The following MKLN1 variants were observed in gnomAD, a reference collection of about 807,000 sequenced individuals.
The protein encoded by MKLN1 is muskelin 1.
In MKLN1, 18 loss-of-function variants were observed where a neutral mutation model predicts 99.0. The observed-to-expected ratio is 0.18, with a 90% CI of 0.13 to 0.27. MKLN1 has a LOEUF of 0.27. MKLN1 is among the 10% of genes least tolerant of loss of function. MKLN1 has a pLI of 1.00. For missense variants in MKLN1, 621 were observed against 875.9 expected, an observed-to-expected ratio of 0.71 and a Z score of 3.67; for synonymous variants, 288 against 293.2, an observed-to-expected ratio of 0.98 and a Z score of 0.18.
At chr7:131,169,914 G>A (rs1796192060) in intron 2 of MKLN1, among the ~76,000 whole-genome samples, 1 of 152,068 alleles carries the variant, frequency 6.6e-6, no homozygotes, top group Admixed American at 6.6e-5. Context: ...TGCCTGCTTT[G>A]GCTAAAGTCT....
intron 2 of MKLN1, 58 bp downstream of exon 2, chr7:131,375,551 A>G (rs1793617024): frequency 2.0e-6 from 2 of 987,822 alleles, no homozygotes; most frequent in East Asian, 4.8e-5. Flanking sequence ...ATAAACACTC[A>G]ATTGATACTA....
intron 10 of MKLN1, among the ~76,000 whole-genome samples, chr7:131,439,431 A>G (rs569442190): frequency 5.6e-4 from 85 of 152,290 alleles, no homozygotes; most frequent in African/African-American, 1.9e-3. Flanking sequence ...ATGGTTTTCA[A>G]CTGGTTAGAT....
intron 3 of MKLN1, among the ~76,000 whole-genome samples, chr7:131,232,596 A>G (rs968823107): frequency 3.9e-5 from 6 of 152,210 alleles, no homozygotes; most frequent in African/African-American, 1.4e-4. Flanking sequence ...TGATTTGCCA[A>G]TCTCGCAAAT....
chr7:131,334,488 A>G (rs943458192), intron 1 of MKLN1, among the ~76,000 whole-genome samples: 1 of 152,314 alleles, frequency 6.6e-6, no homozygotes, highest in Admixed American at 6.5e-5. Flanking sequence ...CTAGAATTAG[A>G]TATTTGTGAC....
intron 4 of MKLN1, among the ~76,000 whole-genome samples, chr7:131,393,913 A>G (rs1260989763): frequency 2.0e-5 from 3 of 152,282 alleles, no homozygotes; most frequent in Non-Finnish European, 2.9e-5. Context: ...GACATGAGCC[A>G]CTGCACCAGG....
intron 4 of MKLN1, among the ~76,000 whole-genome samples, chr7:131,390,327 A>G (rs541131883): frequency 6.6e-6 from 1 of 152,254 alleles, no homozygotes; most frequent in Admixed American, 6.5e-5. Context: ...ACTTTCGGTT[A>G]TTTACTTCTT....
chr7:131,185,849 AT>A (rs910299721), intron 2 of MKLN1, among the ~76,000 whole-genome samples: 1 of 152,160 alleles, frequency 6.6e-6, no homozygotes, highest in Non-Finnish European at 1.5e-5. Flanking sequence ...CCTAGCACGT[AT>A]TTTGTACCAT....
At chr7:131,417,225 T>C (rs569638079) in intron 8 of MKLN1, among the ~76,000 whole-genome samples, 10 of 152,284 alleles carry the variant, frequency 6.6e-5, no homozygotes, top group African/African-American at 2.4e-4. Flanking sequence ...CACTAGTTTA[T>C]AGAAAGCTAC....
intron 10 of MKLN1, among the ~76,000 whole-genome samples, chr7:131,441,263 C>T (rs1795831817): frequency 6.6e-6 from 1 of 152,096 alleles, no homozygotes; most frequent in Non-Finnish European, 1.5e-5. Context: ...GTAGGTTGGA[C>T]AACATTGGAT....
intron 8 of MKLN1, among the ~76,000 whole-genome samples, chr7:131,420,091 A>G (rs989688791): frequency 6.6e-6 from 1 of 152,156 alleles, no homozygotes; most frequent in Non-Finnish European, 1.5e-5. Context: ...TAAATGCTAA[A>G]TGACGAGTTG....
At chr7:131,263,944 C>G (rs1007400915) in intron 3 of MKLN1, among the ~76,000 whole-genome samples, 3 of 152,184 alleles carry the variant, frequency 2.0e-5, no homozygotes, top group African/African-American at 7.2e-5. Flanking sequence ...TTGCCTGGCA[C>G]CCAGGATATA....
At chr7:131,382,855 C>T (rs1793893277) in intron 2 of MKLN1, among the ~76,000 whole-genome samples, 1 of 152,230 alleles carries the variant, frequency 6.6e-6, no homozygotes, top group Admixed American at 6.5e-5. Flanking sequence ...TCCCGAGTAG[C>T]TGGGACTACA....
intron 1 of MKLN1, among the ~76,000 whole-genome samples, chr7:131,356,964 G>A (rs892202834): frequency 6.6e-6 from 1 of 152,058 alleles, no homozygotes; most frequent in Admixed American, 6.6e-5. Context: ...AGTAAGGAAA[G>A]GAAGGAAAGG....
rs531568476 is a variant in MKLN1, at chr7:131,216,094, G to A, written c.-179+13120G>A. On this transcript the variant is annotated intron_variant, in intron 3 of 7. Coordinates refer to the MKLN1 transcript ENST00000416992. ...GCCCCATTTATTGCTTTGCATTTCCGGTCAAAAGAAAAGTTTATATTTGGG... is the reference window on the plus strand; with the variant it reads ...GCCCCATTTATTGCTTTGCATTTCCAGTCAAAAGAAAAGTTTATATTTGGG... Among the ~76,000 whole-genome samples the A allele has an allele frequency of 9.2e-5, 14 of 152,102 alleles. No homozygotes were observed. The East Asian group carries it at 1.4e-3, about 15-fold the overall frequency.
chr7:131,466,732 C>T (rs1040191309), intron 15 of MKLN1, among the ~76,000 whole-genome samples: 12 of 152,252 alleles, frequency 7.9e-5, no homozygotes, highest in African/African-American at 2.2e-4. Context: ...CTTAATGACA[C>T]GTGCCTGAGC....
In MKLN1 at chr7:131,192,121, GTA is replaced by G. The variant is rs1226973952; in HGVS notation, c.-296-10727_-296-10726del. 1.4e-4 allele frequency among the ~76,000 whole-genome samples: 10 copies of G among 72,342 alleles called. 1 individual carries two copies. The highest frequency in any genetic ancestry group is 2.5e-4 in the Non-Finnish European group (10 of 39,964). 47.5% of individuals were successfully genotyped at this position (72,342 alleles called of 152,430 possible). ...ATGTATATATATATTATATATATAC[GTA>G]TATATATAAAAATATATATACGTAT... On this transcript the variant is annotated intron_variant, in intron 2 of 7. Coordinates refer to the MKLN1 transcript ENST00000416992.
intron 3 of MKLN1, among the ~76,000 whole-genome samples, chr7:131,214,986 T>C (rs1796958315): frequency 6.6e-6 from 1 of 152,226 alleles, no homozygotes; most frequent in South Asian, 2.1e-4. Context: ...TGTTTGCTAG[T>C]AAATGTTGTA....
At chr7:131,248,112 T>C (rs1797522955) in intron 3 of MKLN1, among the ~76,000 whole-genome samples, 2 of 152,008 alleles carry the variant, frequency 1.3e-5, no homozygotes. Context: ...TTTTTGTAGA[T>C]ATGAGGCTTC....
At chr7:131,435,239 T>C (rs939441283) in intron 9 of MKLN1, among the ~76,000 whole-genome samples, 1 of 152,232 alleles carries the variant, frequency 6.6e-6, no homozygotes, top group African/African-American at 2.4e-5. Context: ...TCTTTTCATA[T>C]ATTGCTACTG....
Sources: allele counts gnomAD v4.1 joint callset (sites outside exome capture counted in the v4.1 genomes callset), GRCh38; gene constraint gnomAD v4.1.1; transcripts MANE v1.5; gene names NCBI Gene and HGNC (gene_info 2026-07-23, HGNC 2026-07-21).